The following RAD51B variants were observed in gnomAD, a reference collection of about 807,000 sequenced individuals.
RAD51B encodes the protein DNA repair protein RAD51 homolog 2.
In RAD51B, 38 loss-of-function variants were observed where a neutral mutation model predicts 42.2. That is an observed-to-expected ratio of 0.90 (90% CI 0.70 to 1.18). RAD51B has a LOEUF of 1.18. Ranked by LOEUF, RAD51B falls within the 50% of genes most tolerant of loss-of-function variation. The probability of loss-of-function intolerance (pLI) is 0.00; values close to 1 mark genes in which losing one functional copy is unlikely to be tolerated. For missense variants in RAD51B, 373 were observed against 400.7 expected (o/e 0.93, Z 0.59); for synonymous variants, 154 against 145.2 (o/e 1.06, Z -0.43).
chr14:67,864,848 A>G, intron 4 of RAD51B, 155 bp from the exon 5 acceptor site: 1 of 1,196,000 alleles, frequency 8.4e-7, no homozygotes, highest in Non-Finnish European at 1.2e-6. Flanking sequence ...ATTCCATACA[A>G]TGGATGTCTT....
chr14:68,187,255 G>A (rs968051558), intron 7 of RAD51B, among the ~76,000 whole-genome samples: 1 of 152,152 alleles, frequency 6.6e-6, no homozygotes, highest in African/African-American at 2.4e-5. Context: ...ACTGTTGAGT[G>A]CTGTTCTCAG....
downstream of RAD51B, among the ~76,000 whole-genome samples, chr14:68,479,739 G>A (rs1883025164): frequency 7.5e-6 from 1 of 134,054 alleles, no homozygotes; most frequent in African/African-American, 2.9e-5. Context: ...TGCTATCACA[G>A]CTCACTGCAG....
chr14:68,194,004 A>G (rs564818654), intron 7 of RAD51B, among the ~76,000 whole-genome samples: 50 of 152,332 alleles, frequency 3.3e-4, no homozygotes, highest in Admixed American at 2.6e-3. Context: ...AAAGAAACAA[A>G]CAAGCTAAGA....
intron 8 of RAD51B, among the ~76,000 whole-genome samples, chr14:68,381,698 A>C (rs1315552165): frequency 2.6e-5 from 4 of 152,180 alleles, no homozygotes; most frequent in African/African-American, 9.7e-5. Flanking sequence ...TAAATAAATA[A>C]AAAGCCATAG....
At chr14:68,107,426 G>A (rs1017839258) in intron 7 of RAD51B, among the ~76,000 whole-genome samples, 1 of 151,686 alleles carries the variant, frequency 6.6e-6, no homozygotes, top group African/African-American at 2.4e-5. Context: ...TACTATCTAC[G>A]TGGATCTACA....
downstream of RAD51B, among the ~76,000 whole-genome samples, chr14:68,615,368 C>T (rs908983998): frequency 8.0e-5 from 12 of 150,330 alleles, no homozygotes; most frequent in South Asian, 2.1e-4. Context: ...TTTTTTGAGA[C>T]GGAGTCTCGC....
chr14:68,196,670 A>T (rs1008423987), intron 7 of RAD51B, among the ~76,000 whole-genome samples: 1 of 152,010 alleles, frequency 6.6e-6, no homozygotes, highest in Non-Finnish European at 1.5e-5. Context: ...ATTTATTTGT[A>T]TGACTTTTTT....
chr14:68,678,250 G>A (rs1385352843), intron 11 of RAD51B, among the ~76,000 whole-genome samples: 1 of 152,122 alleles, frequency 6.6e-6, no homozygotes, highest in African/African-American at 2.4e-5. Flanking sequence ...GCCTGTTTTT[G>A]CAGTGAACAC....
At chr14:67,883,342 A>G (rs1381626960) in intron 5 of RAD51B, among the ~76,000 whole-genome samples, 4 of 151,614 alleles carry the variant, frequency 2.6e-5, no homozygotes, top group Non-Finnish European at 4.4e-5. Flanking sequence ...AAAAAAAAAA[A>G]CAAAAACCAC....
chr14:68,619,337 C>T (rs1358239447), intron 10 of RAD51B, among the ~76,000 whole-genome samples: 1 of 151,862 alleles, frequency 6.6e-6, no homozygotes, highest in African/African-American at 2.4e-5. Flanking sequence ...TATCCAGGCG[C>T]CTGTAGTCCC....
chr14:68,235,689 G>C (rs1357695292), intron 7 of RAD51B, among the ~76,000 whole-genome samples: 1 of 119,134 alleles, frequency 8.4e-6, no homozygotes, highest in Non-Finnish European at 1.6e-5. Flanking sequence ...GGGCGACAGA[G>C]CGAGACTCCG....
chr14:68,581,163 T>C (rs1890192015), intron 10 of RAD51B, among the ~76,000 whole-genome samples: 1 of 152,108 alleles, frequency 6.6e-6, no homozygotes, highest in African/African-American at 2.4e-5. Flanking sequence ...GTAAAGATGG[T>C]CCCCTAGTTG....
intron 7 of RAD51B, among the ~76,000 whole-genome samples, chr14:68,043,047 T>TG (rs922990624): frequency 4.6e-5 from 7 of 150,986 alleles, no homozygotes; most frequent in African/African-American, 1.7e-4. Context: ...GCTCTTTGAA[T>TG]GGGGAAAAAA....
intron 7 of RAD51B, among the ~76,000 whole-genome samples, chr14:68,248,693 C>A (rs922065212): frequency 6.6e-6 from 1 of 152,198 alleles, no homozygotes; most frequent in African/African-American, 2.4e-5. Flanking sequence ...ATTGGACCAA[C>A]CAACAAGGCC....
intron 5 of RAD51B, among the ~76,000 whole-genome samples, chr14:67,870,471 C>T (rs899220172): frequency 2.9e-5 from 4 of 138,106 alleles, no homozygotes; most frequent in African/African-American, 1.1e-4. Context: ...ACTTAGACTC[C>T]CACACATTAA....
intron 10 of RAD51B, among the ~76,000 whole-genome samples, chr14:68,574,031 C>T (rs1889845735): frequency 6.6e-6 from 1 of 150,962 alleles, no homozygotes; most frequent in South Asian, 2.1e-4. Flanking sequence ...GAAGGAACTC[C>T]ATTGCTCTCC....
At chr14:68,045,230 C>G (rs1187213225) in intron 7 of RAD51B, among the ~76,000 whole-genome samples, 8 of 83,954 alleles carry the variant, frequency 9.5e-5, no homozygotes, top group Non-Finnish European at 1.7e-4. Flanking sequence ...GAGCGAAACT[C>G]TGTCTCAAAA....
At chr14:68,176,151 T>G (rs531552408) in intron 7 of RAD51B, among the ~76,000 whole-genome samples, 3 of 152,282 alleles carry the variant, frequency 2.0e-5, no homozygotes, top group East Asian at 1.9e-4. Flanking sequence ...TAGCTAATCC[T>G]TAAATATCCC....
chr14:68,207,695 C>G (rs2079621262), intron 7 of RAD51B, among the ~76,000 whole-genome samples: 1 of 152,002 alleles, frequency 6.6e-6, no homozygotes, highest in Non-Finnish European at 1.5e-5. Flanking sequence ...GGAGCCAGTA[C>G]TAGGTAGAGT....
Sources: gnomAD v4.1 joint callset for allele counts (sites outside exome capture counted in the v4.1 genomes callset) on GRCh38, gnomAD v4.1.1 for gene constraint, MANE v1.5 for transcripts, NCBI Gene and HGNC (gene_info 2026-07-23, HGNC 2026-07-21) for gene names.